CPNE8: variants seen among roughly 807,000 people sequenced by gnomAD.
CPNE8 encodes copine 8.
CPNE8 carries 45 observed loss-of-function variants against 81.5 expected under a neutral mutation model. That is an observed-to-expected ratio of 0.55 (90% CI 0.44 to 0.71). The LOEUF is 0.71. Among genes scored for constraint, CPNE8 ranks in the 30% least tolerant of loss-of-function variants. CPNE8 has a pLI of 0.00. For missense variants in CPNE8, 594 were observed against 672.1 expected (o/e 0.88, Z 1.28); for synonymous variants, 252 against 226.3 (o/e 1.11, Z -1.02).
At chr12:38,675,638 A>G in intron 18 of CPNE8, 79 bp downstream of exon 18, 1 of 908,548 alleles carries the variant, frequency 1.1e-6, no homozygotes, top group Non-Finnish European at 1.8e-6. Flanking sequence ...TAAAGAGACA[A>G]GAATGGCAGA....
rs1943251627 is a variant in CPNE8, at chr12:38,829,521, C to T, written c.331-66G>A. 1.3e-5 allele frequency: 14 copies of T among 1,040,508 alleles called. 1 individual carries two copies. In the South Asian group the frequency reaches 1.4e-4, roughly 10 times the overall value. The allele number at this position is 1,040,508 out of a possible 1,614,324, so 64.5% of individuals were successfully genotyped here. On this transcript the variant is annotated intron_variant, in intron 5 of 19. Transcript: ENST00000331366. The stretch of plus-strand genomic sequence containing the variant: ...CTATCTTTACAGTATATGTTTTGTA[C>T]ATCATACATCTGCATTGTTTTCATT...
Position 38,830,073 on chromosome 12 carries a change from TA to T in CPNE8, c.331-619del, listed in dbSNP as rs1398158949. Among the ~76,000 whole-genome samples the T allele has an allele frequency of 2.0e-5, 3 of 152,300 alleles. No homozygotes were observed. In the East Asian group the frequency reaches 5.8e-4, roughly 29 times the overall value. ...TTAATACTAGCATATTGTAAGTGCCTAAAAATGGGTTAAGTAAAATATACTA... is the reference window on the plus strand; with the variant it reads ...TTAATACTAGCATATTGTAAGTGCCTAAAATGGGTTAAGTAAAATATACTA... On this transcript the variant is annotated intron_variant, in intron 5 of 19. Coordinates refer to ENST00000331366, the MANE Select transcript of CPNE8 (RefSeq NM_153634.3).
intron 1 of CPNE8, among the ~76,000 whole-genome samples, chr12:38,887,351 A>C (rs1213209666): frequency 6.6e-6 from 1 of 152,196 alleles, no homozygotes; most frequent in East Asian, 1.9e-4. Flanking sequence ...CCAAAATCCA[A>C]GGAAAAAAAC....
At chr12:38,733,498 C>T (rs944588509) in intron 10 of CPNE8, among the ~76,000 whole-genome samples, 4 of 151,944 alleles carry the variant, frequency 2.6e-5, no homozygotes, top group Non-Finnish European at 5.9e-5. Flanking sequence ...TAATAAACCA[C>T]AACCAATAAT....
At chr12:38,838,880 T>G (rs1943425541) in intron 5 of CPNE8, among the ~76,000 whole-genome samples, 1 of 152,124 alleles carries the variant, frequency 6.6e-6, no homozygotes, top group African/African-American at 2.4e-5. Flanking sequence ...CAAATCTGTT[T>G]CCTAGCTCGT....
chr12:38,798,884 G>T (rs545313361), intron 6 of CPNE8, among the ~76,000 whole-genome samples: 6 of 152,220 alleles, frequency 3.9e-5, no homozygotes, highest in Non-Finnish European at 7.4e-5. Flanking sequence ...ACAAAAAAAG[G>T]CAGGGGTTGA....
chr12:38,719,508 C>T (rs1275261051), intron 13 of CPNE8, among the ~76,000 whole-genome samples: 1 of 147,644 alleles, frequency 6.8e-6, no homozygotes, highest in East Asian at 2.0e-4. Flanking sequence ...GAGGCTGAGG[C>T]ATGAGGATTG....
At chr12:38,769,536 T>C (rs1282306275) in intron 7 of CPNE8, among the ~76,000 whole-genome samples, 1 of 152,198 alleles carries the variant, frequency 6.6e-6, no homozygotes, top group Non-Finnish European at 1.5e-5. Context: ...TTCATTTCCA[T>C]ATATATTTAA....
At chr12:38,716,719 A>AT (rs1161633244) in intron 13 of CPNE8, among the ~76,000 whole-genome samples, 2 of 152,088 alleles carry the variant, frequency 1.3e-5, no homozygotes, top group Non-Finnish European at 2.9e-5. Flanking sequence ...CTCTCTGGAC[A>AT]TTGGCTTAGG....
chr12:38,765,804 G>T (rs1941675377), intron 8 of CPNE8, among the ~76,000 whole-genome samples: 1 of 151,628 alleles, frequency 6.6e-6, no homozygotes, highest in Non-Finnish European at 1.5e-5. Flanking sequence ...TGACATTTTT[G>T]GATTAGTTGT....
chr12:38,760,998 C>T (rs775022825), intron 9 of CPNE8, 110 bp from the exon 10 acceptor site: 14 of 766,396 alleles, frequency 1.8e-5, no homozygotes, highest in Non-Finnish European at 2.7e-5. Flanking sequence ...TGTATGCTTG[C>T]AGATTTTACA....
At chr12:38,799,016 T>G (rs71461479) in intron 6 of CPNE8, among the ~76,000 whole-genome samples, 2 of 152,054 alleles carry the variant, frequency 1.3e-5, no homozygotes, top group Non-Finnish European at 2.9e-5. Flanking sequence ...AAATATATAT[T>G]CACCCAATAC....
At chr12:38,665,674 G>T (rs1383548416) in intron 19 of CPNE8, among the ~76,000 whole-genome samples, 2 of 152,102 alleles carry the variant, frequency 1.3e-5, no homozygotes, top group Non-Finnish European at 2.9e-5. Flanking sequence ...TTCAGGAAAT[G>T]ATAAGCTGGC....
chr12:38,800,950 T>G (rs1186397325), intron 6 of CPNE8, among the ~76,000 whole-genome samples: 1 of 142,600 alleles, frequency 7.0e-6, no homozygotes. Flanking sequence ...GAAGGGAAGT[T>G]TAGAGAAAAA....
At chr12:38,901,176 G>GC (rs1944456419) in intron 1 of CPNE8, among the ~76,000 whole-genome samples, 1 of 152,092 alleles carries the variant, frequency 6.6e-6, no homozygotes, top group Non-Finnish European at 1.5e-5. Flanking sequence ...AGCAGAGATC[G>GC]CACCACTGCA....
intron 13 of CPNE8, among the ~76,000 whole-genome samples, chr12:38,705,904 A>AAT (rs1474768801): frequency 3.3e-5 from 5 of 152,088 alleles, no homozygotes; most frequent in Admixed American, 2.0e-4. Context: ...TTACACACAT[A>AAT]ATATATATAT....
At chr12:38,690,415 T>C (rs1424058116) in intron 15 of CPNE8, among the ~76,000 whole-genome samples, 1 of 152,192 alleles carries the variant, frequency 6.6e-6, no homozygotes, top group Non-Finnish European at 1.5e-5. Context: ...TGAAAAAAAT[T>C]AAAGTAATAT....
chr12:38,725,799 T>C (rs981179176), intron 11 of CPNE8, among the ~76,000 whole-genome samples: 1 of 150,370 alleles, frequency 6.7e-6, no homozygotes, highest in Non-Finnish European at 1.5e-5. Flanking sequence ...CTGAGGCATG[T>C]TAGGGAGATC....
chr12:38,821,033 T>G (rs1156952404), intron 6 of CPNE8, among the ~76,000 whole-genome samples: 1 of 152,176 alleles, frequency 6.6e-6, no homozygotes, highest in Non-Finnish European at 1.5e-5. Flanking sequence ...CCCAAACAAC[T>G]ATCTGTTAAC....
Sources: gnomAD v4.1 joint callset for allele counts (sites outside exome capture counted in the v4.1 genomes callset) on GRCh38, gnomAD v4.1.1 for gene constraint, MANE v1.5 for transcripts, NCBI Gene and HGNC (gene_info 2026-07-23, HGNC 2026-07-21) for gene names.